The following ZNF660 variants were observed in gnomAD, a reference collection of about 807,000 sequenced individuals.
ZNF660 encodes zinc finger protein 660.
Under a neutral mutation model 23.2 loss-of-function variants are expected in ZNF660, and 24 were observed. That is an observed-to-expected ratio of 1.04 (90% CI 0.75 to 1.46). The LOEUF is 1.46. Among genes scored for constraint, ZNF660 ranks in the 40% most tolerant of loss-of-function variants. The pLI, the probability that ZNF660 is intolerant of heterozygous loss-of-function variation, is 0.00. For synonymous variants in ZNF660, 117 were observed against 131.4 expected (o/e 0.89, Z 0.75); for missense variants, 373 against 396.8 (o/e 0.94, Z 0.51).
Position 44,586,227 on chromosome 3 carries a change from T to C in ZNF660, c.-181+14T>C, listed in dbSNP as rs1291027254. On this transcript the variant is annotated intron_variant, in intron 2 of 2. Transcript: ENST00000322734. ...ACAGGAATATGGGTGAGTCATTCCA[T>C]TCTCTCCTGGGCAGGTGAGGCCTAG... is the stretch of plus-strand genomic sequence containing the variant. 6.6e-6 allele frequency: 1 copy of C among 152,232 alleles called. No individual in the cohort carries two copies. Among genetic ancestry groups the C allele is most frequent in the East Asian group, 1.9e-4 (1 of 5,190 alleles). 9.4% of individuals were successfully genotyped at this position (152,232 alleles called of 1,614,324 possible).
intron 2 of ZNF660, among the ~76,000 whole-genome samples, chr3:44,593,300 T>C (rs1375870182): frequency 6.6e-6 from 1 of 152,168 alleles, no homozygotes; most frequent in Non-Finnish European, 1.5e-5. Context: ...CTGGCCACAG[T>C]ATCACTAGTA....
At position 44,595,238 on chromosome 3, in the gene ZNF660, T is replaced by C. The variant is rs1700573978; in HGVS notation, c.*49T>C. On this transcript the variant is annotated 3_prime_UTR_variant, in exon 3 of 3. Transcript: ENST00000322734. The stretch of plus-strand genomic sequence containing the variant: ...GGCTGACTGCTGCTTTTCTAAAAAG[T>C]AGTTCTTTAGTATCAACTTTAATTC... 2.7e-6 allele frequency: 4 copies of C among 1,493,562 alleles called. No individual in the cohort carries two copies. Among genetic ancestry groups the C allele is most frequent in the East Asian group, 2.3e-5 (1 of 43,798 alleles). 92.5% of individuals were successfully genotyped at this position (1,493,562 alleles called of 1,614,324 possible).
At position 44,586,093 on chromosome 3, in the gene ZNF660, A is replaced by G. The variant is rs958516387; in HGVS notation, c.-289-12A>G. The stretch of plus-strand genomic sequence containing the variant: ...GGGCTCAGAGAACTCAGTCATTTAT[A>G]TCTGTTTACAGTGACTCAAGACCCT... On this transcript the variant is annotated splice_polypyrimidine_tract_variant and intron_variant, in intron 1 of 2. Coordinates refer to ENST00000322734, the MANE Select transcript of ZNF660 (RefSeq NM_173658.4). 1.3e-5 allele frequency: 2 copies of G among 152,160 alleles called. No homozygotes were observed. The highest frequency in any genetic ancestry group is 4.2e-4 in the South Asian group (2 of 4,818). 9.4% of individuals were successfully genotyped at this position (152,160 alleles called of 1,614,324 possible).
rs1412127056 is a variant in ZNF660 at position 44,598,190 on chromosome 3, G to A, written c.*3001G>A. 2.0e-5 allele frequency: 3 copies of A among 148,462 alleles called. No individual in the cohort carries two copies. The highest frequency in any genetic ancestry group is 6.8e-5 in the Admixed American group (1 of 14,800). The allele number at this position is 148,462 out of a possible 1,614,324, so 9.2% of individuals were successfully genotyped here. ...GAATCTCGCACTGTCGCCCATGCTG[G>A]AGTGCAGTGGCGTGATCTCAGCTCT... On this transcript the variant is annotated 3_prime_UTR_variant, in exon 3 of 3. Transcript: ENST00000322734.
In ZNF660 at chr3:44,594,454, C is replaced by T. The variant is rs775318654; in HGVS notation, c.261C>T (p.Phe87=). The T allele has an allele frequency of 3.1e-6, 5 of 1,613,808 alleles. No homozygotes were observed. In the East Asian group the frequency reaches 1.1e-4, roughly 36 times the overall value. Residue 87 remains phenylalanine, a synonymous_variant, in exon 3 of 3, where the codon TTC becomes TTT. Coordinates refer to ENST00000322734, the MANE Select transcript of ZNF660 (RefSeq NM_173658.4). The part of the protein sequence containing the change: ...PYKCKECGKA[F]SHSSNLVVHR... ...AGTGTAAGGAGTGTGGAAAAGCTTT[C>T]AGTCATAGCTCTAACCTTGTTGTTC...
Position 44,596,461 on chromosome 3 carries a change from T to G in ZNF660, c.*1272T>G, listed in dbSNP as rs1700612275. On this transcript the variant is annotated 3_prime_UTR_variant, in exon 3 of 3. Transcript: ENST00000322734. Reference sequence around the variant, plus strand: ...AGAGTGATTAAAGAGAATTTTTGTGTAAGGTAGTACTTAGGATATTTTCAG... The same window carrying G: ...AGAGTGATTAAAGAGAATTTTTGTGGAAGGTAGTACTTAGGATATTTTCAG... 1 of 152,210 alleles carries G rather than the reference T, an allele frequency of 6.6e-6. No individual in the cohort carries two copies. The highest frequency in any genetic ancestry group is 2.4e-5 in the African/African-American group (1 of 41,446). 9.4% of individuals were successfully genotyped at this position (152,210 alleles called of 1,614,324 possible).
Position 44,594,060 on chromosome 3 carries a change from CT to C in ZNF660, c.-133del, listed in dbSNP as rs570733821. 2.3e-4 allele frequency: 259 copies of C among 1,140,900 alleles called. No homozygotes were observed. In the African/African-American group the frequency reaches 3.3e-3, roughly 15 times the overall value. 70.7% of individuals were successfully genotyped at this position (1,140,900 alleles called of 1,614,324 possible). On this transcript the variant is annotated 5_prime_UTR_variant, in exon 3 of 3. The change abolishes the stop of an existing upstream ORF in the 5' untranslated region. Coordinates refer to ENST00000322734, the MANE Select transcript of ZNF660 (RefSeq NM_173658.4). ...AGGAGTTAATTCCAAAGCATCATTC[CT>C]GAAAAATCAGAATCATACATACTTT... is the stretch of plus-strand genomic sequence containing the variant.
chr3:44,593,669 C>T (rs894353219), intron 2 of ZNF660, among the ~76,000 whole-genome samples: 7 of 142,306 alleles, frequency 4.9e-5, no homozygotes, highest in South Asian at 4.5e-4. Flanking sequence ...GAGTCAAGAT[C>T]GTGCCATTGC....
At position 44,594,473 on chromosome 3, in the gene ZNF660, G is replaced by A; in HGVS notation, c.280G>A (p.Val94Ile). 6.2e-7 allele frequency: 1 copy of A among 1,613,990 alleles called. No homozygotes were observed. The highest frequency in any genetic ancestry group is 1.7e-5 in the Admixed American group (1 of 60,000). ...AGCTTTCAGTCATAGCTCTAACCTTGTTGTTCATCGGAGAATCCACACTGG... is the reference window on the plus strand; with the variant it reads ...AGCTTTCAGTCATAGCTCTAACCTTATTGTTCATCGGAGAATCCACACTGG... Reference protein sequence around the residue: ...GKAFSHSSNLVVHRRIHTGLK... With the variant: ...GKAFSHSSNLIVHRRIHTGLK... Residue 94 changes from valine to isoleucine, a missense_variant, in exon 3 of 3, where the codon GTT (valine) becomes ATT (isoleucine). Physicochemically the swap from Val to Ile is conservative, Grantham distance 29 (BLOSUM62 3). Transcript: ENST00000322734.
intron 1 of ZNF660, among the ~76,000 whole-genome samples, chr3:44,585,486 G>A (rs1700200350): frequency 6.6e-6 from 1 of 152,182 alleles, no homozygotes; most frequent in Admixed American, 6.5e-5. Context: ...TAGTGTGCTA[G>A]GTCCTGGGGT....
At chr3:44,590,447 T>C (rs991569524) in intron 2 of ZNF660, among the ~76,000 whole-genome samples, 1 of 152,164 alleles carries the variant, frequency 6.6e-6, no homozygotes, top group Non-Finnish European at 1.5e-5. Context: ...TGTTTCTTTT[T>C]ATAAGGACAT....
At position 44,585,514 on chromosome 3, in the gene ZNF660, CAG is replaced by C. The variant is rs568939715; in HGVS notation, c.-290+509_-290+510del. On this transcript the variant is annotated intron_variant, in intron 1 of 2. Transcript: ENST00000322734. ...CCTGGGGTTATGGTTGTGTACAGGA[CAG>C]AACTAAATTCTAGTAGGGGAGAAAT... Among the ~76,000 whole-genome samples the C allele has an allele frequency of 1.4e-4, 22 of 152,214 alleles. No homozygotes were observed. In the East Asian group the frequency reaches 3.5e-3, roughly 24 times the overall value.
intron 2 of ZNF660, chr3:44,586,645 C>G (rs558110968): frequency 6.6e-6 from 1 of 152,294 alleles, no homozygotes; most frequent in African/African-American, 2.4e-5. Context: ...AATGCAAATA[C>G]ACCATTATGG....
At chr3:44,587,752 T>C (rs1039625371) in intron 2 of ZNF660, among the ~76,000 whole-genome samples, 1 of 152,252 alleles carries the variant, frequency 6.6e-6, no homozygotes, top group African/African-American at 2.4e-5. Flanking sequence ...GCTATTCTTG[T>C]GTTGCTGTAA....
intron 2 of ZNF660, among the ~76,000 whole-genome samples, chr3:44,591,146 T>C (rs1301756998): frequency 6.6e-6 from 1 of 152,176 alleles, no homozygotes; most frequent in East Asian, 1.9e-4. Flanking sequence ...CTTTTTTTTT[T>C]GAGACAAAGT....
chr3:44,594,767 T>C lies in ZNF660; in HGVS notation c.574T>C (p.Cys192Arg). ...RMHRGKKVYKCKECGKTCGSN... is the reference protein window; with the variant it reads ...RMHRGKKVYKRKECGKTCGSN... Reference sequence around the variant, plus strand: ...GCACAGAGGAAAAAAAGTTTACAAATGTAAGGAGTGTGGGAAAACATGTGG... The same window carrying C: ...GCACAGAGGAAAAAAAGTTTACAAACGTAAGGAGTGTGGGAAAACATGTGG... Residue 192 changes from cysteine (C) to arginine (R), a missense_variant, in exon 3 of 3, where the codon TGT (cysteine) becomes CGT (arginine). Coordinates refer to ENST00000322734, the MANE Select transcript of ZNF660 (RefSeq NM_173658.4). 6.2e-7 allele frequency: 1 copy of C among 1,614,104 alleles called. No homozygotes were observed. The highest frequency in any genetic ancestry group is 1.3e-5 in the African/African-American group (1 of 75,020).
chr3:44,588,760 C>T (rs1700316411), intron 2 of ZNF660, among the ~76,000 whole-genome samples: 1 of 152,138 alleles, frequency 6.6e-6, no homozygotes, highest in Non-Finnish European at 1.5e-5. Context: ...AGTGAGCCAC[C>T]GTGCCCGACC....
chr3:44,594,836 G>A lies in ZNF660; in HGVS notation c.643G>A (p.Glu215Lys), dbSNP rs757078546. The A allele has an allele frequency of 1.9e-6, 3 of 1,614,052 alleles. No homozygotes were observed. In the African/African-American group the frequency reaches 4.0e-5, roughly 22 times the overall value. ...IMDHQRIHTG[E>K]KPYECDECGK... ...GGACCATCAGAGAATTCACACTGGA[G>A]AGAAGCCTTATGAATGTGATGAGTG... Residue 215 changes from glutamate (E) to lysine (K), a missense_variant, in exon 3 of 3, where the codon GAG (glutamate) becomes AAG (lysine). Coordinates refer to ENST00000322734, the MANE Select transcript of ZNF660 (RefSeq NM_173658.4).
chr3:44,593,713 C>T (rs982476282), intron 2 of ZNF660, among the ~76,000 whole-genome samples: 1 of 145,454 alleles, frequency 6.9e-6, no homozygotes, highest in Non-Finnish European at 1.5e-5. Flanking sequence ...AAAAAAGCAA[C>T]GAGTTAGATG....
Sources: allele counts gnomAD v4.1 joint callset (sites outside exome capture counted in the v4.1 genomes callset), GRCh38; gene constraint gnomAD v4.1.1; transcripts MANE v1.5; gene names NCBI Gene and HGNC (gene_info 2026-07-23, HGNC 2026-07-21).